The following KLHDC2 variants were observed in gnomAD, a reference collection of about 807,000 sequenced individuals.
KLHDC2 encodes kelch domain-containing protein 2.
In KLHDC2, 38 loss-of-function variants were observed where a neutral mutation model predicts 62.3. The observed-to-expected ratio is 0.61, with a 90% CI of 0.47 to 0.80. The LOEUF is 0.80. Ranked by LOEUF, KLHDC2 falls within the 30% of genes least tolerant of loss-of-function variation. The pLI, the probability that KLHDC2 is intolerant of heterozygous loss-of-function variation, is 0.00. For synonymous variants in KLHDC2, 159 were observed against 161.0 expected (o/e 0.99, Z 0.09); for missense variants, 430 against 495.3 (o/e 0.87, Z 1.25).
intron 3 of KLHDC2, among the ~76,000 whole-genome samples, chr14:49,776,750 C>T (rs1260042251): frequency 6.6e-6 from 1 of 151,942 alleles, no homozygotes; most frequent in Non-Finnish European, 1.5e-5. Flanking sequence ...AAAAACTCGT[C>T]TCTACTAAAA....
intron 10 of KLHDC2, 132 bp downstream of exon 10, chr14:49,780,907 A>G: frequency 3.1e-6 from 2 of 635,958 alleles, no homozygotes; most frequent in Non-Finnish European, 2.8e-6. Context: ...CTCAAAGAAA[A>G]GAAAACCAAT....
chr14:49,771,172 A>AAAT (rs1889656069), intron 1 of KLHDC2, among the ~76,000 whole-genome samples: 1 of 152,068 alleles, frequency 6.6e-6, no homozygotes. Flanking sequence ...AACATGGTGA[A>AAAT]ACCCTGTCTC....
intron 10 of KLHDC2, 58 bp downstream of exon 10, chr14:49,780,833 G>A: frequency 2.2e-6 from 2 of 914,810 alleles, no homozygotes; most frequent in African/African-American, 3.2e-5. Flanking sequence ...TGAGGTTTTG[G>A]CTGCATTATA....
intron 12 of KLHDC2, 100 bp downstream of exon 12, chr14:49,782,694 A>G (rs774917894): frequency 2.2e-6 from 3 of 1,350,194 alleles, no homozygotes; most frequent in Non-Finnish European, 3.1e-6. Flanking sequence ...TAAGGGCAAT[A>G]AAACTTCATT....
Position 49,784,747 on chromosome 14 carries a change from C to G in KLHDC2, c.*1794C>G. 6.5e-7 allele frequency: 1 copy of G among 1,543,644 alleles called. No individual in the cohort carries two copies. The highest frequency in any genetic ancestry group is 8.9e-7 in the Non-Finnish European group (1 of 1,122,330). ...AGAAAATTGCTGAATATCTTCACAT[C>G]CTGTATGGTCAATCATGTTTCTTTT... On this transcript the variant is annotated 3_prime_UTR_variant, in exon 13 of 13. Transcript: ENST00000298307.
rs374376240 is a variant in KLHDC2, at chr14:49,777,972, C to T, written c.467+18C>T. 1 of 1,482,456 alleles carries T rather than the reference C, an allele frequency of 6.7e-7. No individual in the cohort carries two copies. The highest frequency in any genetic ancestry group is 1.7e-4 in the Middle Eastern group (1 of 5,758). The allele number at this position is 1,482,456 out of a possible 1,614,324, so 91.8% of individuals were successfully genotyped here. A position where few individuals can be genotyped will look rare whatever the true frequency, so the allele number is the denominator to read the frequency against. On this transcript the variant is annotated intron_variant, in intron 4 of 12. Transcript: ENST00000298307. ...AAAAACAAGTAAGTTGGCAGCACTA[C>T]AGGTTTGGGTTTTTATGTGTAAAGT...
chr14:49,771,306 T>C (rs896567179), intron 1 of KLHDC2, among the ~76,000 whole-genome samples: 2 of 151,234 alleles, frequency 1.3e-5, no homozygotes, highest in Admixed American at 6.6e-5. Flanking sequence ...CCAGCCAAGA[T>C]TGCGCCACTG....
At position 49,780,484 on chromosome 14, in the gene KLHDC2, A is replaced by G. The variant is rs908764097; in HGVS notation, c.883+162A>G. 2.9e-4 allele frequency: 185 copies of G among 644,608 alleles called. 1 individual carries two copies. The highest frequency in any genetic ancestry group is 3.6e-4 in the Middle Eastern group (1 of 2,750). The allele number at this position is 644,608 out of a possible 1,614,324, so 39.9% of individuals were successfully genotyped here. ...CATAGCTGTAATTGTACTATATGGCATACTTCTGTTCAATAAAGAACCTGG... is the reference window on the plus strand; with the variant it reads ...CATAGCTGTAATTGTACTATATGGCGTACTTCTGTTCAATAAAGAACCTGG... On this transcript the variant is annotated intron_variant, in intron 9 of 12. Coordinates refer to ENST00000298307, the MANE Select transcript of KLHDC2 (RefSeq NM_014315.3).
At chr14:49,781,698 T>TAA (rs768954943) in intron 10 of KLHDC2, among the ~76,000 whole-genome samples, 5 of 141,732 alleles carry the variant, frequency 3.5e-5, no homozygotes, top group Admixed American at 1.4e-4. Flanking sequence ...CTCTGTCTCT[T>TAA]AAAAAAAAAA....
intron 1 of KLHDC2, 135 bp downstream of exon 1, chr14:49,768,756 C>T: frequency 2.5e-6 from 2 of 793,836 alleles, no homozygotes; most frequent in Non-Finnish European, 3.7e-6. Flanking sequence ...TCAGACTCTG[C>T]CCGTTGGTTG....
At position 49,770,662 on chromosome 14, in the gene KLHDC2, T is replaced by C. The variant is rs1484028984; in HGVS notation, c.154-932T>C. On this transcript the variant is annotated intron_variant, in intron 1 of 12. Coordinates refer to ENST00000298307, the MANE Select transcript of KLHDC2 (RefSeq NM_014315.3). ...ATAACCTTGGGCAAATTACTTAAACTCTAAACTTGTTTTCTCATAACATCA... is the reference window on the plus strand; with the variant it reads ...ATAACCTTGGGCAAATTACTTAAACCCTAAACTTGTTTTCTCATAACATCA... Among the ~76,000 whole-genome samples the C allele has an allele frequency of 2.6e-5, 4 of 152,192 alleles. No individual in the cohort carries two copies. In the South Asian group the frequency reaches 6.2e-4, roughly 24 times the overall value.
At chr14:49,777,000 G>A (rs983674732) in intron 3 of KLHDC2, among the ~76,000 whole-genome samples, 1 of 151,584 alleles carries the variant, frequency 6.6e-6, no homozygotes, top group African/African-American at 2.4e-5. Context: ...CAGACCAAAT[G>A]CCCACCAATC....
intron 10 of KLHDC2, among the ~76,000 whole-genome samples, chr14:49,781,051 A>G (rs989627386): frequency 1.3e-5 from 2 of 152,198 alleles, no homozygotes; most frequent in Admixed American, 1.3e-4. Context: ...TTTCACTTCA[A>G]TGAGTTGAAC....
intron 1 of KLHDC2, among the ~76,000 whole-genome samples, chr14:49,771,213 A>T (rs542088691): frequency 6.6e-6 from 1 of 152,076 alleles, no homozygotes; most frequent in East Asian, 1.9e-4. Flanking sequence ...GCCAGGCGTG[A>T]TGGCGAGTGC....
Position 49,783,793 on chromosome 14 carries a change from A to T in KLHDC2, c.*840A>T, listed in dbSNP as rs904488301. On this transcript the variant is annotated 3_prime_UTR_variant, in exon 13 of 13. Coordinates refer to ENST00000298307, the MANE Select transcript of KLHDC2 (RefSeq NM_014315.3). ...GATCAAACCTGAAGGTCTACAAATGAATAGAAATGATTAAGCTGAGTCATG... is the reference window on the plus strand; with the variant it reads ...GATCAAACCTGAAGGTCTACAAATGTATAGAAATGATTAAGCTGAGTCATG... 2.0e-5 allele frequency: 3 copies of T among 152,158 alleles called. No homozygotes were observed. Among genetic ancestry groups the T allele is most frequent in the African/African-American group, 7.2e-5 (3 of 41,446 alleles). The allele number at this position is 152,158 out of a possible 1,614,324, so 9.4% of individuals were successfully genotyped here.
chr14:49,773,661 C>G (rs1289665044), intron 2 of KLHDC2, among the ~76,000 whole-genome samples: 1 of 150,934 alleles, frequency 6.6e-6, no homozygotes, highest in African/African-American at 2.4e-5. Flanking sequence ...GCTGCAAGCT[C>G]CGCCTCCTGG....
intron 2 of KLHDC2, among the ~76,000 whole-genome samples, chr14:49,772,565 G>A (rs571483876): frequency 1.4e-4 from 21 of 152,298 alleles, no homozygotes; most frequent in South Asian, 1.0e-3. Flanking sequence ...CCATGGTTGC[G>A]GATTTACAAA....
intron 10 of KLHDC2, among the ~76,000 whole-genome samples, chr14:49,781,826 G>C (rs1889917561): frequency 6.6e-6 from 1 of 152,116 alleles, no homozygotes. Context: ...ATTTTCTCTT[G>C]TTAATCTCAG....
intron 5 of KLHDC2, 70 bp from the exon 6 acceptor site, chr14:49,778,341 G>A: frequency 1.5e-6 from 2 of 1,324,904 alleles, no homozygotes; most frequent in Non-Finnish European, 2.1e-6. Flanking sequence ...ATTTTTCTTT[G>A]GTAATCAGGC....
Sources: gnomAD v4.1 joint callset for allele counts (sites outside exome capture counted in the v4.1 genomes callset) on GRCh38, gnomAD v4.1.1 for gene constraint, MANE v1.5 for transcripts, NCBI Gene and HGNC (gene_info 2026-07-23, HGNC 2026-07-21) for gene names.